The following REDIC1 variants were observed in gnomAD, a reference collection of about 807,000 sequenced individuals.
REDIC1 encodes HEI10 Interacting Protein 1.
the REDIC1 span, among the ~76,000 whole-genome samples, chr12:39,848,090 G>A: frequency 2.0e-5 from 3 of 151,856 alleles, no homozygotes; most frequent in Admixed American, 1.3e-4. Context: ...AGACAACCTA[G>A]GCAATACCAT....
At chr12:39,830,459 A>C in the REDIC1 span, 28 of 1,238,454 alleles carry the variant, frequency 2.3e-5, no homozygotes, top group East Asian at 1.9e-4. Context: ...CTTTGAGCTG[A>C]AGGAGGCTTG....
At chr12:39,889,488 A>T in the REDIC1 span, among the ~76,000 whole-genome samples, 1 of 151,850 alleles carries the variant, frequency 6.6e-6, no homozygotes, top group Non-Finnish European at 1.5e-5. Flanking sequence ...TATACAGAGA[A>T]AGTGAGTAGA....
chr12:39,887,470 A>T, the REDIC1 span, among the ~76,000 whole-genome samples: 1 of 152,168 alleles, frequency 6.6e-6, no homozygotes, highest in African/African-American at 2.4e-5. Context: ...AGTGGAATGT[A>T]AAAAAGGGAC....
At chr12:39,733,671 G>T in the REDIC1 span, among the ~76,000 whole-genome samples, 1 of 152,198 alleles carries the variant, frequency 6.6e-6, no homozygotes, top group Non-Finnish European at 1.5e-5. Flanking sequence ...GCTCTGCCCA[G>T]TTCAAACTTT....
the REDIC1 span, among the ~76,000 whole-genome samples, chr12:39,787,328 A>G: frequency 6.6e-6 from 1 of 152,180 alleles, no homozygotes; most frequent in Non-Finnish European, 1.5e-5. Flanking sequence ...AATAACAGTA[A>G]TTACTGTTGT....
chr12:39,758,756 C>A, the REDIC1 span: 4 of 150,434 alleles, frequency 2.7e-5, no homozygotes, highest in African/African-American at 9.7e-5. Context: ...AAAACTAAGC[C>A]AAGAATAAGA....
chr12:39,796,183 A>T, the REDIC1 span, among the ~76,000 whole-genome samples: 1 of 152,216 alleles, frequency 6.6e-6, no homozygotes, highest in Admixed American at 6.5e-5. Flanking sequence ...AAGGTTATGC[A>T]TGGCAATTTT....
chr12:39,642,621 A>C, the REDIC1 span, among the ~76,000 whole-genome samples: 2 of 151,732 alleles, frequency 1.3e-5, no homozygotes, highest in East Asian at 3.9e-4. Context: ...GGACACAATC[A>C]ATTATAAGAT....
the REDIC1 span, among the ~76,000 whole-genome samples, chr12:39,891,628 C>G: frequency 1.3e-5 from 2 of 152,072 alleles, no homozygotes; most frequent in East Asian, 1.9e-4. Flanking sequence ...TTTTCTGCAG[C>G]CTATTACTGC....
chr12:39,693,416 A>ATT, the REDIC1 span, among the ~76,000 whole-genome samples: 15 of 140,156 alleles, frequency 1.1e-4, no homozygotes, highest in South Asian at 1.8e-3. Flanking sequence ...CAACATGAGT[A>ATT]TTTTTTTTTT....
the REDIC1 span, among the ~76,000 whole-genome samples, chr12:39,717,609 G>T: frequency 6.6e-6 from 1 of 151,958 alleles, no homozygotes; most frequent in African/African-American, 2.4e-5. Flanking sequence ...GGCACACTTG[G>T]TGTAACTTAT....
the REDIC1 span, among the ~76,000 whole-genome samples, chr12:39,784,543 T>C: frequency 1.3e-5 from 2 of 152,300 alleles, no homozygotes; most frequent in East Asian, 1.9e-4. Flanking sequence ...TGAAACTGGA[T>C]CCCTTCCTTA....
chr12:39,742,633 G>A, the REDIC1 span, among the ~76,000 whole-genome samples: 2 of 152,118 alleles, frequency 1.3e-5, no homozygotes, highest in East Asian at 3.9e-4. Context: ...TGGTAGAAAA[G>A]GGCTTCTTAA....
the REDIC1 span, chr12:39,684,970 G>T: frequency 4.4e-6 from 6 of 1,368,656 alleles, 1 homozygote; most frequent in South Asian, 6.0e-5. Flanking sequence ...AAGTCAGTTT[G>T]TATTACCATA....
the REDIC1 span, among the ~76,000 whole-genome samples, chr12:39,903,654 C>T: frequency 1.3e-5 from 2 of 152,038 alleles, no homozygotes; most frequent in Non-Finnish European, 2.9e-5. Context: ...AGGGCTTCTA[C>T]AGGCATCTTC....
At chr12:39,802,083 T>C in the REDIC1 span, among the ~76,000 whole-genome samples, 20 of 152,138 alleles carry the variant, frequency 1.3e-4, no homozygotes, top group East Asian at 5.8e-4. Flanking sequence ...CTAAGTGGGG[T>C]TGGGCAGTTG....
At chr12:39,686,873 G>T in the REDIC1 span, among the ~76,000 whole-genome samples, 2 of 152,264 alleles carry the variant, frequency 1.3e-5, no homozygotes, top group South Asian at 4.2e-4. Flanking sequence ...TCAATGCTTT[G>T]CTGCTTAGAA....
the REDIC1 span, among the ~76,000 whole-genome samples, chr12:39,713,765 A>G: frequency 2.0e-5 from 3 of 149,318 alleles, no homozygotes; most frequent in African/African-American, 7.3e-5. Context: ...ATACACGTAT[A>G]TATATATTTG....
chr12:39,883,235 G>C, the REDIC1 span, among the ~76,000 whole-genome samples: 1 of 152,032 alleles, frequency 6.6e-6, no homozygotes, highest in Non-Finnish European at 1.5e-5. Context: ...AAAGTCCCTG[G>C]AGTAGGATGT....
Sources: gnomAD v4.1 joint callset for allele counts (sites outside exome capture counted in the v4.1 genomes callset) on GRCh38, gnomAD v4.1.1 for gene constraint, MANE v1.5 for transcripts, NCBI Gene and HGNC (gene_info 2026-07-23, HGNC 2026-07-21) for gene names.